Variants in HSF2 observed in about 807,000 individuals in gnomAD.
HSF2 encodes the protein heat shock factor protein 2.
A neutral mutation model predicts 65.0 loss-of-function variants in HSF2; 21 were observed. The observed-to-expected ratio is 0.32, with a 90% confidence interval of 0.23 to 0.47. HSF2 has a LOEUF of 0.47. Ranked by LOEUF, HSF2 falls within the 20% of genes least tolerant of loss-of-function variation. The pLI, the probability that HSF2 is intolerant of heterozygous loss-of-function variation, is 1.00. For missense variants in HSF2, 499 were observed against 628.1 expected (o/e 0.79, Z 2.20); for synonymous variants, 225 against 219.1 (o/e 1.03, Z -0.24).
rs570247894 is a variant in HSF2, at chr6:122,432,380, T to C, written c.*160T>C. On this transcript the variant is annotated 3_prime_UTR_variant, in exon 13 of 13. Coordinates refer to ENST00000368455, the MANE Select transcript of HSF2 (RefSeq NM_004506.4). ...TGCTTTTCTCACTAACCACACACTC[T>C]TGCAGAGCTTTCAGGTGTTACTCAG... 1 of 606,944 alleles carries C rather than the reference T, an allele frequency of 1.6e-6. No individual in the cohort carries two copies. The highest frequency in any genetic ancestry group is 2.9e-6 in the Non-Finnish European group (1 of 347,612). 37.6% of individuals were successfully genotyped at this position (606,944 alleles called of 1,614,324 possible). A position where few individuals can be genotyped will look rare whatever the true frequency, so the allele number is the denominator to read the frequency against.
rs746083219 is a variant in HSF2, at chr6:122,420,165, A to C, written c.624A>C (p.Gln208His). 7 of 1,610,904 alleles carry C rather than the reference A, an allele frequency of 4.3e-6. No homozygotes were observed. The East Asian group carries it at 1.6e-4, about 36-fold the overall frequency. Residue 208 changes from glutamine to histidine, a missense_variant, in exon 7 of 13, where the codon CAA becomes CAC. Physicochemically the swap from Gln to His is conservative, Grantham distance 24. This residue lies in a region of HSF2 where 349 missense variants were observed against 393.5 expected (regional missense o/e 0.89). Transcript: ENST00000368455. ...RPLLLNTNGAQKKNLFQHIVK... is the reference protein window; with the variant it reads ...RPLLLNTNGAHKKNLFQHIVK... The stretch of plus-strand genomic sequence containing the variant: ...TACTTCTAAACACTAATGGAGCCCA[A>C]AAGAAGAACCTGTTTCAGCACATAG...
intron 1 of HSF2, among the ~76,000 whole-genome samples, chr6:122,409,916 T>C (rs1445150206): frequency 6.6e-6 from 1 of 152,014 alleles, no homozygotes; most frequent in African/African-American, 2.4e-5. Flanking sequence ...TCCTTTTCTT[T>C]CCTGATTATC....
upstream of HSF2, chr6:122,399,590 GC>G (rs1469278186): frequency 1.6e-6 from 1 of 635,772 alleles, no homozygotes; most frequent in African/African-American, 1.9e-5. Context: ...TCTCGGCCTT[GC>G]CGCGCGCCTG....
chr6:122,413,402 G>A, intron 3 of HSF2, 123 bp from the exon 4 acceptor site: 1 of 657,442 alleles, frequency 1.5e-6, no homozygotes, highest in Non-Finnish European at 2.6e-6. Context: ...TTTCATCCCG[G>A]GCTTTTGGAA....
rs143986149 is a variant in HSF2 at position 122,431,991 on chromosome 6, C to T, written c.1382C>T (p.Ser461Phe). 332 of 1,613,946 alleles carry T rather than the reference C, an allele frequency of 2.1e-4. No homozygotes were observed. The highest frequency in any genetic ancestry group is 2.7e-4 in the Non-Finnish European group (321 of 1,179,946). ...TTCCTCGATGGGAACCCTGCTTCTT[C>T]TGTTGAACAGGCGAGTACAACAGCA... ...LAFLDGNPASSVEQASTTASS... is the reference protein window; with the variant it reads ...LAFLDGNPASFVEQASTTASS... The change falls in exon 13 of 13, where the codon TCT becomes TTT. Residue 461 changes from serine (S) to phenylalanine (F), a missense_variant. Around this residue, in one of 2 missense-constraint regions of HSF2, gnomAD observed 349 missense variants for 393.5 expected, o/e 0.89. Coordinates refer to ENST00000368455, the MANE Select transcript of HSF2 (RefSeq NM_004506.4).
Position 122,399,672 on chromosome 6 carries a change from G to T in HSF2, c.-66G>T, listed in dbSNP as rs1485862782. The T allele has an allele frequency of 7.2e-7, 1 of 1,392,448 alleles. No individual in the cohort carries two copies. The highest frequency in any genetic ancestry group is 1.5e-5 in the African/African-American group (1 of 68,948). 86.3% of individuals were successfully genotyped at this position (1,392,448 alleles called of 1,614,324 possible). A position where few individuals can be genotyped will look rare whatever the true frequency, so the allele number is the denominator to read the frequency against. ...TGGGCGTTCTCGGGGAGCTGCTGCC[G>T]TAGCTGCCGCCGCCGCTACCACCGC... On this transcript the variant is annotated 5_prime_UTR_variant, in exon 1 of 13. Transcript: ENST00000368455.
chr6:122,405,883 A>G (rs562790707), intron 1 of HSF2, among the ~76,000 whole-genome samples: 3 of 152,228 alleles, frequency 2.0e-5, no homozygotes, highest in African/African-American at 4.8e-5. Context: ...AAAACTGTTT[A>G]TGGGGAGATA....
intron 1 of HSF2, among the ~76,000 whole-genome samples, chr6:122,407,955 C>A (rs531656788): frequency 3.8e-5 from 4 of 105,298 alleles, no homozygotes; most frequent in African/African-American, 1.3e-4. Flanking sequence ...TGTGTCTTCC[C>A]AATGGCAGAG....
intron 1 of HSF2, among the ~76,000 whole-genome samples, chr6:122,409,029 A>G (rs1773929665): frequency 6.6e-6 from 1 of 152,048 alleles, no homozygotes; most frequent in South Asian, 2.1e-4. Context: ...GTGTAATTTG[A>G]GATGATCAGG....
Position 122,402,562 on chromosome 6 carries a change from G to GT in HSF2, c.93+2744dup, listed in dbSNP as rs528958889. 5.2e-3 allele frequency among the ~76,000 whole-genome samples: 744 copies of GT among 144,122 alleles called. 5 individuals are homozygous for GT. Among genetic ancestry groups the GT allele is most frequent in the Middle Eastern group, 0.018 (5 of 282 alleles). 94.5% of individuals were successfully genotyped at this position (144,122 alleles called of 152,430 possible). On this transcript the variant is annotated intron_variant, in intron 1 of 12. Coordinates refer to ENST00000368455, the MANE Select transcript of HSF2 (RefSeq NM_004506.4). ...GACTATATCACACTATATCATATTC[G>GT]TTTTTTTTTTTTGTGGTAGAGTATC...
chr6:122,420,957 C>T (rs911661933), intron 7 of HSF2, among the ~76,000 whole-genome samples: 1 of 151,866 alleles, frequency 6.6e-6, no homozygotes, highest in Middle Eastern at 3.4e-3. Context: ...AGCCATCTGC[C>T]TGCCTCAGCC....
chr6:122,422,109 G>T, intron 7 of HSF2, 41 bp from the exon 8 acceptor site: 1 of 1,403,094 alleles, frequency 7.1e-7, no homozygotes. Flanking sequence ...GGTAGTCAAT[G>T]ATTTTGATTT....
At chr6:122,419,049 G>A (rs2114443176) in intron 5 of HSF2, 119 bp from the exon 6 acceptor site, 2 of 593,824 alleles carry the variant, frequency 3.4e-6, no homozygotes, top group South Asian at 4.0e-5. Context: ...GTGTTAATAT[G>A]TGAGAAATTA....
At chr6:122,415,313 C>A (rs544970889) in intron 4 of HSF2, among the ~76,000 whole-genome samples, 1 of 152,100 alleles carries the variant, frequency 6.6e-6, no homozygotes, top group African/African-American at 2.4e-5. Flanking sequence ...ATCTGACAGA[C>A]TTTAGTTTGA....
intron 10 of HSF2, among the ~76,000 whole-genome samples, chr6:122,427,550 G>C (rs1043179441): frequency 1.3e-5 from 2 of 151,728 alleles, no homozygotes; most frequent in Non-Finnish European, 2.9e-5. Context: ...TCTCAACCCT[G>C]CACACCACTT....
intron 3 of HSF2, 72 bp from the exon 4 acceptor site, chr6:122,413,453 A>C (rs1326387044): frequency 8.6e-7 from 1 of 1,156,562 alleles, no homozygotes; most frequent in Admixed American, 2.5e-5. Context: ...AACCTCTTCT[A>C]ATAGGGAAGC....
At position 122,432,751 on chromosome 6, in the gene HSF2, G is replaced by C. The variant is rs1426774838; in HGVS notation, c.*531G>C. The stretch of plus-strand genomic sequence containing the variant: ...GAGAAGTTCATTTATGTTCAAAGAC[G>C]TTTATTCATGTTCAACAGGAAAGAC... On this transcript the variant is annotated 3_prime_UTR_variant, in exon 13 of 13. Transcript: ENST00000368455. 6.5e-6 allele frequency: 1 copy of C among 152,816 alleles called. No homozygotes were observed. The highest frequency in any genetic ancestry group is 1.5e-5 in the Non-Finnish European group (1 of 68,572). 9.5% of individuals were successfully genotyped at this position (152,816 alleles called of 1,614,324 possible).
intron 1 of HSF2, among the ~76,000 whole-genome samples, chr6:122,400,249 T>C (rs1773696692): frequency 6.6e-6 from 1 of 152,122 alleles, no homozygotes. Flanking sequence ...AGGGCCAGGA[T>C]CATCAACGTG....
intron 7 of HSF2, among the ~76,000 whole-genome samples, chr6:122,421,103 A>G (rs1258189777): frequency 6.6e-6 from 1 of 151,816 alleles, no homozygotes; most frequent in Non-Finnish European, 1.5e-5. Context: ...TGGTTATTCT[A>G]TTTTCAACTT....
Sources: gnomAD v4.1 joint callset for allele counts (sites outside exome capture counted in the v4.1 genomes callset) on GRCh38, gnomAD v4.1.1 for gene constraint, gnomAD v4.1.1 regional missense constraint, MANE v1.5 for transcripts, NCBI Gene and HGNC (gene_info 2026-07-23, HGNC 2026-07-21) for gene names.